The following ACTR3C variants were observed in gnomAD, a reference collection of about 807,000 sequenced individuals.
ACTR3C encodes the protein actin related protein 3C.
In ACTR3C, 18 loss-of-function variants were observed where a neutral mutation model predicts 26.3. The observed-to-expected ratio is 0.68, with a 90% confidence interval of 0.47 to 1.01. The LOEUF is 1.01. Ranked by LOEUF, ACTR3C falls within the 50% of genes least tolerant of loss-of-function variation. The probability of loss-of-function intolerance (pLI) is 0.00; values close to 1 mark genes in which losing one functional copy is unlikely to be tolerated. For synonymous variants in ACTR3C, 55 were observed against 94.5 expected (o/e 0.58, Z 2.42); for missense variants, 184 against 250.7 (o/e 0.73, Z 1.80).
chr7:150,180,533 G>T, the ACTR3C span, among the ~76,000 whole-genome samples: 2 of 114,708 alleles, frequency 1.7e-5, no homozygotes, highest in African/African-American at 7.3e-5. Context: ...TTTTTTCTGA[G>T]AGGGAGTCTC....
the ACTR3C span, among the ~76,000 whole-genome samples, chr7:150,067,438 T>C: frequency 6.6e-6 from 1 of 152,152 alleles, no homozygotes; most frequent in Non-Finnish European, 1.5e-5. Context: ...GCCAAGTATG[T>C]TTATATTTAT....
At chr7:149,961,708 G>A in the ACTR3C span, among the ~76,000 whole-genome samples, 1 of 152,092 alleles carries the variant, frequency 6.6e-6, no homozygotes, top group Non-Finnish European at 1.5e-5. Flanking sequence ...TACAGGAAGT[G>A]CACAGATAGG....
At chr7:150,258,097 G>C (rs1362875219) in intron 6 of ACTR3C, among the ~76,000 whole-genome samples, 2 of 152,130 alleles carry the variant, frequency 1.3e-5, no homozygotes, top group African/African-American at 2.4e-5. Flanking sequence ...GAAGAATGCT[G>C]CTTAACATCT....
At chr7:150,285,496 G>A (rs1006762620) in intron 5 of ACTR3C, among the ~76,000 whole-genome samples, 1 of 151,944 alleles carries the variant, frequency 6.6e-6, no homozygotes, top group Non-Finnish European at 1.5e-5. Context: ...GGAAGGAGGA[G>A]GATATTCAGT....
At chr7:149,962,651 G>A in the ACTR3C span, among the ~76,000 whole-genome samples, 1 of 152,046 alleles carries the variant, frequency 6.6e-6, no homozygotes, top group South Asian at 2.1e-4. Context: ...GGGATCAGAG[G>A]GAATGAGCAC....
the ACTR3C span, among the ~76,000 whole-genome samples, chr7:149,962,927 T>C: frequency 6.6e-6 from 1 of 152,142 alleles, no homozygotes; most frequent in Non-Finnish European, 1.5e-5. Context: ...CTGTGCACAG[T>C]GGAAAACCAA....
chr7:149,923,190 A>G, the ACTR3C span, among the ~76,000 whole-genome samples: 2 of 141,862 alleles, frequency 1.4e-5, no homozygotes, highest in Non-Finnish European at 3.1e-5. Context: ...AGTGGACTAC[A>G]TGGCAAAAGA....
the ACTR3C span, among the ~76,000 whole-genome samples, chr7:150,079,792 T>A: frequency 6.6e-6 from 1 of 152,100 alleles, no homozygotes; most frequent in Non-Finnish European, 1.5e-5. Context: ...CCTTCCCCCT[T>A]CCACCAAGTG....
the ACTR3C span, among the ~76,000 whole-genome samples, chr7:150,211,303 G>A: frequency 6.6e-6 from 1 of 150,588 alleles, no homozygotes; most frequent in African/African-American, 2.5e-5. Context: ...CATTTTTTGA[G>A]ACAACATCTC....
the ACTR3C span, among the ~76,000 whole-genome samples, chr7:149,901,749 A>G: frequency 0.46 from 70,323 of 151,308 alleles, 18,791 homozygotes; most frequent in South Asian, 0.73. Flanking sequence ...CCCTGTCTCT[A>G]TTAAAATTAC....
the ACTR3C span, among the ~76,000 whole-genome samples, chr7:149,988,658 C>G: frequency 6.6e-6 from 1 of 152,124 alleles, no homozygotes; most frequent in Non-Finnish European, 1.5e-5. Context: ...CACCTCTTGC[C>G]CAGTCCCTAA....
At chr7:149,992,263 C>A in the ACTR3C span, among the ~76,000 whole-genome samples, 2 of 152,250 alleles carry the variant, frequency 1.3e-5, no homozygotes, top group Non-Finnish European at 2.9e-5. Flanking sequence ...CGGTAGCAGA[C>A]TGTTTTGATA....
At chr7:149,941,308 C>T in the ACTR3C span, among the ~76,000 whole-genome samples, 3 of 152,314 alleles carry the variant, frequency 2.0e-5, no homozygotes, top group Admixed American at 1.3e-4. Context: ...GTTCTCCTGG[C>T]ACAAGGTTAC....
the ACTR3C span, among the ~76,000 whole-genome samples, chr7:150,091,126 A>C: frequency 6.8e-6 from 1 of 147,958 alleles, no homozygotes; most frequent in South Asian, 2.3e-4. Flanking sequence ...CCATCTCATT[A>C]GCAGGAGACC....
chr7:149,926,719 C>T, the ACTR3C span, among the ~76,000 whole-genome samples: 4 of 152,114 alleles, frequency 2.6e-5, no homozygotes, highest in African/African-American at 4.8e-5. Context: ...ACATTTTCAC[C>T]GTAGTCCTGA....
At chr7:150,305,363 C>T (rs1795731239) in intron 1 of ACTR3C, among the ~76,000 whole-genome samples, 1 of 152,142 alleles carries the variant, frequency 6.6e-6, no homozygotes, top group South Asian at 2.1e-4. Context: ...CACCTGTCAC[C>T]TCACATGGGG....
chr7:150,206,167 C>G, the ACTR3C span, among the ~76,000 whole-genome samples: 10 of 152,198 alleles, frequency 6.6e-5, no homozygotes, highest in Non-Finnish European at 2.9e-5. Flanking sequence ...TCCCAGTGGT[C>G]ATCCCTGGGC....
At chr7:150,020,278 GAAC>G in the ACTR3C span, among the ~76,000 whole-genome samples, 1 of 152,062 alleles carries the variant, frequency 6.6e-6, no homozygotes, top group Non-Finnish European at 1.5e-5. Context: ...TATAGCACCA[GAAC>G]AAGAAATCTA....
chr7:150,114,156 C>T, the ACTR3C span, among the ~76,000 whole-genome samples: 285 of 152,270 alleles, frequency 1.9e-3, no homozygotes, highest in Non-Finnish European at 3.6e-3. Context: ...AGTTCACCAA[C>T]GATTCCTGCT....
Sources: allele counts gnomAD v4.1 joint callset (sites outside exome capture counted in the v4.1 genomes callset), GRCh38; gene constraint gnomAD v4.1.1; transcripts MANE v1.5; gene names NCBI Gene and HGNC (gene_info 2026-07-23, HGNC 2026-07-21).